The following STK33 variants were observed in gnomAD, a reference collection of about 807,000 sequenced individuals.
The protein encoded by STK33 is serine/threonine kinase 33.
A neutral mutation model predicts 58.0 loss-of-function variants in STK33; 52 were observed. The ratio of observed to expected loss-of-function variants is 0.90; its 90% CI spans 0.72 to 1.13. The LOEUF (loss-of-function observed/expected upper bound fraction) is 1.13, where lower values mean the gene tolerates loss of function less well. STK33 is among the 50% of genes most tolerant of loss of function. STK33 has a pLI of 0.00. For missense variants in STK33, 630 were observed against 604.2 expected (o/e 1.04, Z -0.45); for synonymous variants, 215 against 200.1 (o/e 1.07, Z -0.63).
At chr11:8,373,754 T>C in the STK33 span, among the ~76,000 whole-genome samples, 1 of 152,084 alleles carries the variant, frequency 6.6e-6, no homozygotes, top group Non-Finnish European at 1.5e-5. Context: ...GGCGTGGAGT[T>C]CCTGGAAGAA....
chr11:8,454,912 G>A (rs1386049470), intron 9 of STK33, 80 bp from the exon 10 acceptor site: 5 of 1,327,446 alleles, frequency 3.8e-6, no homozygotes, highest in South Asian at 1.6e-5. Flanking sequence ...AAATATATTT[G>A]ACAAATTAAT....
intron 8 of STK33, among the ~76,000 whole-genome samples, chr11:8,460,517 G>T (rs1565067310): frequency 1.3e-5 from 2 of 152,096 alleles, no homozygotes; most frequent in South Asian, 2.1e-4. Context: ...GATAAAAAAT[G>T]ATTTAAAAAA....
intron 1 of STK33, among the ~76,000 whole-genome samples, chr11:8,501,511 T>C (rs1327773478): frequency 6.6e-6 from 1 of 152,112 alleles, no homozygotes; most frequent in Non-Finnish European, 1.5e-5. Context: ...AGGACAGCTA[T>C]AGTAAAAAAC....
intron 14 of STK33, among the ~76,000 whole-genome samples, chr11:8,426,319 T>C (rs1284038181): frequency 6.6e-6 from 1 of 152,224 alleles, no homozygotes; most frequent in Non-Finnish European, 1.5e-5. Flanking sequence ...CTGCTGGCCC[T>C]ATGCCGCGGA....
intron 1 of STK33, among the ~76,000 whole-genome samples, chr11:8,577,790 T>C (rs1054176238): frequency 6.6e-6 from 1 of 152,142 alleles, no homozygotes; most frequent in African/African-American, 2.4e-5. Context: ...ACTTTGGCTC[T>C]CTTCAATTTA....
rs1940654012 is a variant in STK33, at chr11:8,413,594, C to T, written c.1245G>A (p.Glu415=). 6.2e-7 allele frequency: 1 copy of T among 1,614,072 alleles called. No homozygotes were observed. Among genetic ancestry groups the T allele is most frequent in the South Asian group, 1.1e-5 (1 of 91,078 alleles). The change falls in exon 15 of 16, where the codon GAG becomes GAA. Residue 415 remains glutamate, a synonymous_variant. Coordinates refer to ENST00000687296, the MANE Select transcript of STK33 (RefSeq NM_001352389.2). ...PESVEENTTE[E]KNKPSTEEKL... is the part of the protein sequence containing the mutation. ...TTTCTTCAGTGGACGGCTTATTCTTCTCTTCTGTTGTGTTTTCCTCAACAC... is the reference window on the plus strand; with the variant it reads ...TTTCTTCAGTGGACGGCTTATTCTTTTCTTCTGTTGTGTTTTCCTCAACAC...
At chr11:8,593,629 T>C (rs1361081130) in intron 1 of STK33, 1 of 152,200 alleles carries the variant, frequency 6.6e-6, no homozygotes, top group Non-Finnish European at 1.5e-5. Flanking sequence ...GAGACTATCT[T>C]AAGGGCAACA....
Position 8,392,543 on chromosome 11 carries a change from G to C in STK33, c.1512C>G (p.Ser504=). The C allele has an allele frequency of 6.2e-7, 1 of 1,614,174 alleles. No individual in the cohort carries two copies. The highest frequency in any genetic ancestry group is 1.1e-5 in the South Asian group (1 of 91,082). ...TCTTTTTGGTTCTGGACAGGGCGCC[G>C]GATTTAGCAGGGTACTTGGTTGCTG... is the stretch of plus-strand genomic sequence containing the variant. ...QGTATKYPAK[S]GALSRTKKKL Residue 504 remains serine, a synonymous_variant, in exon 16 of 16, where the codon TCC becomes TCG. Transcript: ENST00000687296.
intron 5 of STK33, among the ~76,000 whole-genome samples, chr11:8,474,311 A>G (rs755846761): frequency 2.0e-5 from 3 of 152,248 alleles, no homozygotes; most frequent in Non-Finnish European, 4.4e-5. Context: ...TAACAAAGCC[A>G]TAACTACCCT....
rs538733707 is a variant in STK33 at position 8,401,408 on chromosome 11, T to C, written c.1345-8698A>G. ...TAATAAATGGTGCTGGGAAAACTGG[T>C]TAGCCATATGTAGAAAGCTGAAACT... On this transcript the variant is annotated intron_variant, in intron 15 of 15. Coordinates refer to ENST00000687296, the MANE Select transcript of STK33 (RefSeq NM_001352389.2). 8.5e-5 allele frequency among the ~76,000 whole-genome samples: 13 copies of C among 152,154 alleles called. No individual in the cohort carries two copies. The South Asian group carries it at 1.2e-3, about 15-fold the overall frequency.
At chr11:8,459,884 G>A (rs941604894) in intron 8 of STK33, among the ~76,000 whole-genome samples, 3 of 152,224 alleles carry the variant, frequency 2.0e-5, no homozygotes, top group East Asian at 3.9e-4. Context: ...AGCTGGGGGG[G>A]AAATATGCAA....
chr11:8,573,233 G>T (rs1409305769), intron 1 of STK33, among the ~76,000 whole-genome samples: 2 of 152,138 alleles, frequency 1.3e-5, no homozygotes, highest in Non-Finnish European at 2.9e-5. Flanking sequence ...TACAAAGAAT[G>T]TCTAAAACTC....
At chr11:8,489,615 T>C (rs554884209) in intron 1 of STK33, among the ~76,000 whole-genome samples, 2 of 152,318 alleles carry the variant, frequency 1.3e-5, no homozygotes, top group Admixed American at 6.5e-5. Flanking sequence ...TAAACCATGA[T>C]AATAGCATTA....
intron 8 of STK33, among the ~76,000 whole-genome samples, chr11:8,461,255 G>A (rs1947488756): frequency 1.3e-5 from 2 of 152,170 alleles, no homozygotes; most frequent in Admixed American, 6.5e-5. Context: ...TAAACTGTCT[G>A]GAGGCAGAAT....
At chr11:8,535,873 T>C (rs55928945) in intron 1 of STK33, among the ~76,000 whole-genome samples, 119 of 152,126 alleles carry the variant, frequency 7.8e-4, no homozygotes, top group Non-Finnish European at 1.4e-3. Context: ...AAAGAAAATG[T>C]GGTATATATA....
At chr11:8,387,742 A>G (rs1331891001), downstream of STK33, among the ~76,000 whole-genome samples, 3 of 152,192 alleles carry the variant, frequency 2.0e-5, no homozygotes, top group Non-Finnish European at 2.9e-5. Context: ...ACCTCCCTGC[A>G]AGGGCATCTT....
At chr11:8,520,279 G>C (rs1335282081) in intron 1 of STK33, among the ~76,000 whole-genome samples, 1 of 152,174 alleles carries the variant, frequency 6.6e-6, no homozygotes, top group African/African-American at 2.4e-5. Flanking sequence ...AAAGGCCTTT[G>C]ACAAAATTCA....
At chr11:8,484,628 A>G (rs1443430080) in intron 1 of STK33, among the ~76,000 whole-genome samples, 1 of 152,232 alleles carries the variant, frequency 6.6e-6, no homozygotes, top group African/African-American at 2.4e-5. Context: ...CTGAATAGCA[A>G]AGAGAACATT....
chr11:8,451,237 A>C (rs1158701064), intron 11 of STK33, among the ~76,000 whole-genome samples: 1 of 152,212 alleles, frequency 6.6e-6, no homozygotes, highest in African/African-American at 2.4e-5. Context: ...TAATTCTAAA[A>C]ATACTTCTAA....
Sources: gnomAD v4.1 joint callset for allele counts (sites outside exome capture counted in the v4.1 genomes callset) on GRCh38, gnomAD v4.1.1 for gene constraint, MANE v1.5 for transcripts, NCBI Gene and HGNC (gene_info 2026-07-23, HGNC 2026-07-21) for gene names.